The following CCDC117 variants were observed in gnomAD, a reference collection of about 807,000 sequenced individuals.
CCDC117 encodes coiled-coil domain-containing protein 117.
CCDC117 carries 1 observed loss-of-function variant against 23.5 expected under a neutral mutation model. The observed-to-expected ratio is 0.04, with a 90% CI of 0.02 to 0.20. The LOEUF (loss-of-function observed/expected upper bound fraction) is 0.20, where lower values mean the gene tolerates loss of function less well. Ranked by LOEUF, CCDC117 falls within the 10% of genes least tolerant of loss-of-function variation. CCDC117 has a pLI of 1.00. For synonymous variants in CCDC117, 132 were observed against 124.8 expected (o/e 1.06, Z -0.39); for missense variants, 383 against 348.2 (o/e 1.10, Z -0.80).
At chr22:28,782,385 A>C (rs577667166) in intron 3 of CCDC117, among the ~76,000 whole-genome samples, 1 of 150,230 alleles carries the variant, frequency 6.7e-6, no homozygotes, top group East Asian at 2.0e-4. Flanking sequence ...CAGCCTCCTG[A>C]GTAGCTGGGA....
rs1464338540 is a variant in CCDC117, at chr22:28,788,190, CTG to C, written c.*1866_*1867del. 5.9e-5 allele frequency: 9 copies of C among 152,584 alleles called. No homozygotes were observed. Among genetic ancestry groups the C allele is most frequent in the Admixed American group, 4.6e-4 (7 of 15,266 alleles). The allele number at this position is 152,584 out of a possible 1,614,324, so 9.5% of individuals were successfully genotyped here. A position where few individuals can be genotyped will look rare whatever the true frequency, so the allele number is the denominator to read the frequency against. ...TCTCAGATTTCGAGATGAATGTAAA[CTG>C]TATTCTTTTGAAATGTGCAAGTGTT... On this transcript the variant is annotated 3_prime_UTR_variant, in exon 5 of 5. Transcript: ENST00000249064.
chr22:28,773,139 T>C (rs902295542), intron 1 of CCDC117, 105 bp downstream of exon 1: 1 of 402,354 alleles, frequency 2.5e-6, no homozygotes, highest in Non-Finnish European at 3.4e-6. Context: ...GCGCCGGGGC[T>C]TTTTGACTCC....
intron 2 of CCDC117, among the ~76,000 whole-genome samples, chr22:28,774,648 G>A (rs898310494): frequency 6.6e-6 from 1 of 151,960 alleles, no homozygotes; most frequent in Admixed American, 6.6e-5. Context: ...GGTGTGAACC[G>A]TCCCCCAGGC....
chr22:28,785,627 A>T (rs1359947705), intron 4 of CCDC117, among the ~76,000 whole-genome samples: 1 of 152,254 alleles, frequency 6.6e-6, no homozygotes, highest in Non-Finnish European at 1.5e-5. Flanking sequence ...ACTTAAAAAA[A>T]TTTCCAACAA....
At position 28,772,960 on chromosome 22, in the gene CCDC117, C is replaced by T; in HGVS notation, c.111C>T (p.Asp37=). The part of the protein sequence containing the change: ...FPGRAFPPGA[D]GAELAPRPGP... ...GCCGGGCCTTCCCGCCGGGGGCTGA[C>T]GGCGCCGAGTTGGCCCCGCGGCCGG... The change falls in exon 1 of 5, where the codon GAC becomes GAT. Residue 37 remains aspartate (D), a synonymous_variant. Transcript: ENST00000249064. 8.3e-7 allele frequency: 1 copy of T among 1,210,764 alleles called. No individual in the cohort carries two copies. The allele number at this position is 1,210,764 out of a possible 1,614,324, so 75.0% of individuals were successfully genotyped here. A position where few individuals can be genotyped will look rare whatever the true frequency, so the allele number is the denominator to read the frequency against.
chr22:28,773,065 G>A (rs2031040075), intron 1 of CCDC117, 31 bp downstream of exon 1: 1 of 442,952 alleles, frequency 2.3e-6, no homozygotes, highest in Non-Finnish European at 2.6e-6. Context: ...AGGGCGCAGG[G>A]CGGGCGGGCG....
chr22:28,773,827 C>CCAA (rs561718465), intron 2 of CCDC117, 49 bp downstream of exon 2: 82 of 1,409,894 alleles, frequency 5.8e-5, no homozygotes, highest in Non-Finnish European at 7.7e-5. Flanking sequence ...GTTAGTTGAA[C>CCAA]CCCTGTTATA....
At position 28,787,573 on chromosome 22, in the gene CCDC117, T is replaced by C. The variant is rs1242061377; in HGVS notation, c.*1247T>C. On this transcript the variant is annotated 3_prime_UTR_variant, in exon 5 of 5. Coordinates refer to ENST00000249064, the MANE Select transcript of CCDC117 (RefSeq NM_173510.4). ...ACTATTGTGCAGTAAACCTAAAAGG[T>C]AGTGGAGAATTGCTTCCTGCTAGCA... 5 of 152,318 alleles carry C rather than the reference T, an allele frequency of 3.3e-5. No individual in the cohort carries two copies. The allele number at this position is 152,318 out of a possible 1,614,324, so 9.4% of individuals were successfully genotyped here.
rs2031514235 is a variant in CCDC117 at position 28,786,457 on chromosome 22, G to T, written c.*131G>T. The T allele has an allele frequency of 9.8e-6, 6 of 613,062 alleles. No homozygotes were observed. Among genetic ancestry groups the T allele is most frequent in the African/African-American group, 1.9e-5 (1 of 53,982 alleles). 38.0% of individuals were successfully genotyped at this position (613,062 alleles called of 1,614,324 possible). A position where few individuals can be genotyped will look rare whatever the true frequency, so the allele number is the denominator to read the frequency against. The stretch of plus-strand genomic sequence containing the variant: ...AATAATATCTCCACCTGTGATTTGG[G>T]GGTGGGACTCTTATTTTGGGTAGCC... On this transcript the variant is annotated 3_prime_UTR_variant, in exon 5 of 5. Transcript: ENST00000249064.
At chr22:28,779,908 A>G (rs2031271096) in intron 2 of CCDC117, among the ~76,000 whole-genome samples, 1 of 152,210 alleles carries the variant, frequency 6.6e-6, no homozygotes, top group South Asian at 2.1e-4. Flanking sequence ...AACAGGGCCG[A>G]TTGACTATTC....
At chr22:28,785,727 G>T (rs551821014) in intron 4 of CCDC117, among the ~76,000 whole-genome samples, 6,472 of 152,104 alleles carry the variant, frequency 0.043, 198 homozygotes, top group Non-Finnish European at 0.065. Flanking sequence ...TATACATGTT[G>T]AAGTGTGCAA....
intron 2 of CCDC117, among the ~76,000 whole-genome samples, chr22:28,777,627 A>G (rs1292433797): frequency 2.0e-5 from 3 of 149,770 alleles, no homozygotes; most frequent in Non-Finnish European, 4.4e-5. Flanking sequence ...CTCCTGCCTC[A>G]GCCTCGCGAG....
At chr22:28,778,333 T>C (rs925609053) in intron 2 of CCDC117, among the ~76,000 whole-genome samples, 1 of 151,774 alleles carries the variant, frequency 6.6e-6, no homozygotes, top group Non-Finnish European at 1.5e-5. Flanking sequence ...CTAGGTCGGG[T>C]GCGGTGGCTC....
At chr22:28,784,184 C>G (rs2031440156) in intron 4 of CCDC117, among the ~76,000 whole-genome samples, 1 of 152,168 alleles carries the variant, frequency 6.6e-6, no homozygotes, top group Non-Finnish European at 1.5e-5. Flanking sequence ...TTTCCTAGAT[C>G]ATCAGAGTAG....
chr22:28,774,975 G>C (rs949107024), intron 2 of CCDC117, among the ~76,000 whole-genome samples: 4 of 152,038 alleles, frequency 2.6e-5, no homozygotes, highest in African/African-American at 9.7e-5. Context: ...TTCAATAGTT[G>C]AGTGGAGGCC....
At position 28,789,273 on chromosome 22, in the gene CCDC117, T is replaced by C. The variant is rs1177719689; in HGVS notation, c.*2947T>C. 1.3e-5 allele frequency: 2 copies of C among 152,236 alleles called. No homozygotes were observed. Among genetic ancestry groups the C allele is most frequent in the East Asian group, 1.9e-4 (1 of 5,202 alleles). The allele number at this position is 152,236 out of a possible 1,614,324, so 9.4% of individuals were successfully genotyped here. On this transcript the variant is annotated 3_prime_UTR_variant, in exon 5 of 5. Coordinates refer to ENST00000249064, the MANE Select transcript of CCDC117 (RefSeq NM_173510.4). The stretch of plus-strand genomic sequence containing the variant: ...TGTTACTGTATTTTATCGTTTTCAA[T>C]AAAACTTCTTAAGTGTTTTGGACTT...
In CCDC117 at chr22:28,781,183, A is replaced by T. The variant is rs374721370; in HGVS notation, c.464+11A>T. 3.9e-5 allele frequency: 61 copies of T among 1,551,038 alleles called. No individual in the cohort carries two copies. Among genetic ancestry groups the T allele is most frequent in the Non-Finnish European group, 5.2e-5 (58 of 1,124,888 alleles). On this transcript the variant is annotated intron_variant, in intron 3 of 4. Coordinates refer to ENST00000249064, the MANE Select transcript of CCDC117 (RefSeq NM_173510.4). ...GGAGATTGAGGACAGGTAAATGGGCAGTGTATATAGCTGGTTTTTTGCTGT... is the reference window on the plus strand; with the variant it reads ...GGAGATTGAGGACAGGTAAATGGGCTGTGTATATAGCTGGTTTTTTGCTGT...
At chr22:28,783,729 T>A in intron 4 of CCDC117, 84 bp downstream of exon 4, 1 of 1,285,642 alleles carries the variant, frequency 7.8e-7, no homozygotes, top group Non-Finnish European at 1.1e-6. Context: ...CTGTCCTCAT[T>A]AGCTCTTTTT....
intron 3 of CCDC117, among the ~76,000 whole-genome samples, 172 bp from the exon 4 acceptor site, chr22:28,783,336 C>T (rs1307256933): frequency 3.3e-5 from 5 of 152,134 alleles, no homozygotes; most frequent in Admixed American, 2.0e-4. Flanking sequence ...CCACCACACC[C>T]GGCCTGAGTA....
Sources: allele counts gnomAD v4.1 joint callset (sites outside exome capture counted in the v4.1 genomes callset), GRCh38; gene constraint gnomAD v4.1.1; transcripts MANE v1.5; gene names NCBI Gene and HGNC (gene_info 2026-07-23, HGNC 2026-07-21).